SRRM4: variants seen among roughly 807,000 people sequenced by gnomAD.
SRRM4 encodes serine/arginine repetitive matrix protein 4.
SRRM4 carries 33 observed loss-of-function variants against 68.9 expected under a neutral mutation model. The ratio of observed to expected loss-of-function variants is 0.48; its 90% CI spans 0.36 to 0.64. SRRM4 has a LOEUF of 0.64. Among genes scored for constraint, SRRM4 ranks in the 30% least tolerant of loss-of-function variants. SRRM4 has a pLI of 0.00. For synonymous variants in SRRM4, 318 were observed against 318.8 expected (o/e 1.00, Z 0.03); for missense variants, 817 against 827.1 (o/e 0.99, Z 0.15).
chr12:119,132,176 T>G (rs1207622002), intron 8 of SRRM4: 1 of 152,182 alleles, frequency 6.6e-6, no homozygotes, highest in Non-Finnish European at 1.5e-5. Context: ...CAAATGCCCA[T>G]CTGCGTACTC....
chr12:119,095,712 G>C (rs1954040008), intron 1 of SRRM4, among the ~76,000 whole-genome samples: 1 of 152,034 alleles, frequency 6.6e-6, no homozygotes, highest in Non-Finnish European at 1.5e-5. Flanking sequence ...AAACACATAA[G>C]ACCAGTCCTA....
At chr12:119,023,518 G>A (rs913864382) in intron 1 of SRRM4, among the ~76,000 whole-genome samples, 2 of 152,118 alleles carry the variant, frequency 1.3e-5, no homozygotes, top group South Asian at 4.1e-4. Context: ...CATGGCTAAG[G>A]GCTGTTAGTT....
chr12:119,040,468 G>A (rs1020612599), intron 1 of SRRM4, among the ~76,000 whole-genome samples: 1 of 152,122 alleles, frequency 6.6e-6, no homozygotes, highest in African/African-American at 2.4e-5. Context: ...CCATTCCTGA[G>A]TTACTTCACT....
intron 1 of SRRM4, among the ~76,000 whole-genome samples, chr12:119,058,995 T>A (rs992786334): frequency 6.6e-6 from 1 of 151,988 alleles, no homozygotes; most frequent in Non-Finnish European, 1.5e-5. Flanking sequence ...TGCAATTACC[T>A]CTCCTTAGAT....
In SRRM4 at chr12:119,010,602, A is replaced by T. The variant is rs1252061034; in HGVS notation, c.131+28589A>T. ...CGTACACTCATACATTGCTGTTAGG[A>T]GTGTAAACTGTTGCAGCCTTTTGGG... On this transcript the variant is annotated intron_variant, in intron 1 of 12. Coordinates refer to ENST00000267260, the MANE Select transcript of SRRM4 (RefSeq NM_194286.4). Among the ~76,000 whole-genome samples the T allele has an allele frequency of 4.6e-5, 7 of 152,328 alleles. No individual in the cohort carries two copies. In the South Asian group the frequency reaches 1.2e-3, roughly 27 times the overall value.
At chr12:119,095,691 A>G (rs1954039866) in intron 1 of SRRM4, among the ~76,000 whole-genome samples, 1 of 152,156 alleles carries the variant, frequency 6.6e-6, no homozygotes, top group Non-Finnish European at 1.5e-5. Context: ...CTTGAGATAC[A>G]GAGCCTCTCC....
intron 1 of SRRM4, among the ~76,000 whole-genome samples, chr12:119,057,787 G>A (rs893500377): frequency 5.9e-5 from 9 of 152,162 alleles, no homozygotes; most frequent in African/African-American, 2.2e-4. Context: ...TTCCACAATG[G>A]CTGAACTAAT....
intron 1 of SRRM4, among the ~76,000 whole-genome samples, chr12:119,099,766 T>G (rs1448991619): frequency 1.3e-5 from 2 of 152,216 alleles, no homozygotes; most frequent in Non-Finnish European, 2.9e-5. Flanking sequence ...TGGTGCTGAC[T>G]GTTGGCAGGA....
chr12:119,036,132 G>C (rs1301575830), intron 1 of SRRM4, among the ~76,000 whole-genome samples: 1 of 152,130 alleles, frequency 6.6e-6, no homozygotes, highest in African/African-American at 2.4e-5. Context: ...TCTTTTTCTT[G>C]TTTTTGGGGA....
chr12:119,040,213 C>T (rs996610194), intron 1 of SRRM4, among the ~76,000 whole-genome samples: 1 of 145,700 alleles, frequency 6.9e-6, no homozygotes, highest in African/African-American at 2.6e-5. Context: ...TTTTATTTTT[C>T]CATAATTTAT....
intron 8 of SRRM4, among the ~76,000 whole-genome samples, chr12:119,135,005 C>G (rs932963849): frequency 2.6e-5 from 4 of 152,106 alleles, no homozygotes; most frequent in Admixed American, 6.5e-5. Flanking sequence ...GTACCTAAAA[C>G]AGTTATTTGA....
intron 1 of SRRM4, chr12:118,991,602 CAT>C (rs1340998401): frequency 6.6e-6 from 1 of 152,250 alleles, no homozygotes; most frequent in African/African-American, 2.4e-5. Context: ...GGACCAAACA[CAT>C]GTTGGTAGAA....
intron 1 of SRRM4, among the ~76,000 whole-genome samples, chr12:119,002,155 A>T (rs1953388633): frequency 6.6e-6 from 1 of 152,074 alleles, no homozygotes; most frequent in Admixed American, 6.6e-5. Flanking sequence ...CGATAGACGA[A>T]GTGCTTAGCC....
chr12:119,155,145 G>T (rs563061496), intron 12 of SRRM4, among the ~76,000 whole-genome samples: 2 of 152,362 alleles, frequency 1.3e-5, no homozygotes, highest in African/African-American at 4.8e-5. Flanking sequence ...TGCCATTGTT[G>T]ATTGAATGGT....
chr12:119,095,181 G>T (rs1954035755), intron 1 of SRRM4, among the ~76,000 whole-genome samples: 1 of 152,164 alleles, frequency 6.6e-6, no homozygotes, highest in Non-Finnish European at 1.5e-5. Flanking sequence ...CTCAGGCCAG[G>T]ACATTATTAA....
intron 1 of SRRM4, among the ~76,000 whole-genome samples, chr12:119,047,423 G>A (rs1320476163): frequency 6.6e-6 from 1 of 152,056 alleles, no homozygotes; most frequent in African/African-American, 2.4e-5. Context: ...AGATTTTGGT[G>A]CACCCATCAC....
At chr12:119,122,555 C>A (rs1185729766) in intron 6 of SRRM4, among the ~76,000 whole-genome samples, 2 of 151,918 alleles carry the variant, frequency 1.3e-5, no homozygotes, top group Non-Finnish European at 2.9e-5. Flanking sequence ...TTGTAGATGT[C>A]TGTACATTTT....
intron 1 of SRRM4, among the ~76,000 whole-genome samples, chr12:119,065,552 T>G (rs1344327016): frequency 6.6e-6 from 1 of 152,038 alleles, no homozygotes; most frequent in Non-Finnish European, 1.5e-5. Context: ...CTGGCCAACA[T>G]AGTGAAACCC....
chr12:119,062,935 A>G (rs1953823534), intron 1 of SRRM4, among the ~76,000 whole-genome samples: 2 of 152,186 alleles, frequency 1.3e-5, no homozygotes, highest in Admixed American at 1.3e-4. Flanking sequence ...TACTGTGTGG[A>G]CTGAATAAGA....
Sources: allele counts gnomAD v4.1 joint callset (sites outside exome capture counted in the v4.1 genomes callset), GRCh38; gene constraint gnomAD v4.1.1; transcripts MANE v1.5; gene names NCBI Gene and HGNC (gene_info 2026-07-23, HGNC 2026-07-21).